SLC14A2: variants seen among roughly 807,000 people sequenced by gnomAD.
SLC14A2 encodes urea transporter 2.
In SLC14A2, 91 loss-of-function variants were observed where a neutral mutation model predicts 104.6. That is an observed-to-expected ratio of 0.87 (90% CI 0.73 to 1.04). The LOEUF (loss-of-function observed/expected upper bound fraction) is 1.04, where lower values mean the gene tolerates loss of function less well. Among genes scored for constraint, SLC14A2 ranks in the 50% least tolerant of loss-of-function variants. The probability of loss-of-function intolerance (pLI) is 0.00; values close to 1 mark genes in which losing one functional copy is unlikely to be tolerated. For synonymous variants in SLC14A2, 476 were observed against 466.4 expected (o/e 1.02, Z -0.27); for missense variants, 1,189 against 1,156.0 (o/e 1.03, Z -0.41).
chr18:45,369,294 T>C (rs922649686), intron 1 of SLC14A2, among the ~76,000 whole-genome samples: 8 of 152,224 alleles, frequency 5.3e-5, no homozygotes, highest in Admixed American at 2.6e-4. Context: ...TATGCACTTC[T>C]CTTTAGGGTT....
intron 10 of SLC14A2, among the ~76,000 whole-genome samples, chr18:45,661,759 T>C (rs115654922): frequency 2.0e-5 from 3 of 152,230 alleles, no homozygotes; most frequent in African/African-American, 7.2e-5. Context: ...AATGGCACTA[T>C]GGGAGAACGC....
chr18:45,515,322 T>A (rs186331997), intron 2 of SLC14A2: 26 of 152,264 alleles, frequency 1.7e-4, no homozygotes, highest in African/African-American at 5.8e-4. Flanking sequence ...TTATAGAGAG[T>A]GTAGACAGTG....
intron 1 of SLC14A2, among the ~76,000 whole-genome samples, chr18:45,407,476 G>T (rs1046264748): frequency 6.6e-6 from 1 of 152,118 alleles, no homozygotes; most frequent in Non-Finnish European, 1.5e-5. Context: ...AGAATGTTTT[G>T]CTTTCTTATC....
intron 1 of SLC14A2, among the ~76,000 whole-genome samples, chr18:45,378,369 A>G (rs903381414): frequency 3.9e-5 from 6 of 152,204 alleles, no homozygotes; most frequent in Admixed American, 3.9e-4. Context: ...AGAATCTATG[A>G]GCTGTTATAG....
At position 45,397,098 on chromosome 18, in the gene SLC14A2, C is replaced by A. The variant is rs181526828; in HGVS notation, c.-124-86135C>A. ...GCATTTAGGTTGATTCTGTGTTTTG[C>A]TATTGTGAATAGTGCAGCAATGAAC... On this transcript the variant is annotated intron_variant, in intron 1 of 20. Coordinates refer to the SLC14A2 transcript ENST00000586448. 2.0e-5 allele frequency among the ~76,000 whole-genome samples: 3 copies of A among 152,236 alleles called. No homozygotes were observed. The East Asian group carries it at 5.8e-4, about 29-fold the overall frequency.
the SLC14A2 span, among the ~76,000 whole-genome samples, chr18:45,177,730 C>A: frequency 6.6e-6 from 1 of 152,146 alleles, no homozygotes; most frequent in Non-Finnish European, 1.5e-5. Context: ...TTTGTGGGTC[C>A]TTCCTGAGAC....
intron 6 of SLC14A2, among the ~76,000 whole-genome samples, chr18:45,639,484 A>G (rs560064800): frequency 6.6e-6 from 1 of 152,230 alleles, no homozygotes; most frequent in African/African-American, 2.4e-5. Flanking sequence ...CAGAAGCCGT[A>G]TGTTCCTCAG....
intron 1 of SLC14A2, among the ~76,000 whole-genome samples, chr18:45,283,207 A>G (rs898161733): frequency 6.6e-6 from 1 of 151,690 alleles, no homozygotes; most frequent in Non-Finnish European, 1.5e-5. Flanking sequence ...AGCAGGGCAC[A>G]TGAGAGAAAT....
At chr18:45,636,400 T>C (rs1024639021) in intron 5 of SLC14A2, among the ~76,000 whole-genome samples, 1 of 152,220 alleles carries the variant, frequency 6.6e-6, no homozygotes, top group African/African-American at 2.4e-5. Flanking sequence ...AAGCTTCATC[T>C]GTCTCCAACA....
intron 1 of SLC14A2, among the ~76,000 whole-genome samples, chr18:45,325,298 C>T (rs377158867): frequency 1.3e-5 from 2 of 152,224 alleles, no homozygotes; most frequent in East Asian, 3.8e-4. Context: ...AGCTTCTGAG[C>T]TGGGGAAAAT....
At chr18:45,193,816 T>G in the SLC14A2 span, among the ~76,000 whole-genome samples, 64 of 152,310 alleles carry the variant, frequency 4.2e-4, no homozygotes, top group Non-Finnish European at 7.8e-4. Flanking sequence ...AATAACATTT[T>G]GAGAATATTG....
chr18:45,236,266 C>T (rs561689628), intron 1 of SLC14A2, among the ~76,000 whole-genome samples: 78 of 26,482 alleles, frequency 2.9e-3, no homozygotes, highest in East Asian at 4.6e-3. Flanking sequence ...TGTATATATA[C>T]ATGTATGTGT....
chr18:45,194,888 C>T, the SLC14A2 span, among the ~76,000 whole-genome samples: 2 of 152,000 alleles, frequency 1.3e-5, no homozygotes, highest in Admixed American at 6.6e-5. Context: ...TCGTGATCTG[C>T]CTGCCTCAGC....
At chr18:45,603,227 C>G (rs1186186292) in intron 2 of SLC14A2, among the ~76,000 whole-genome samples, 1 of 152,092 alleles carries the variant, frequency 6.6e-6, no homozygotes, top group Non-Finnish European at 1.5e-5. Flanking sequence ...AAGTGTACAA[C>G]AGGTGATCCC....
rs201800811 is a variant in SLC14A2 at position 45,682,390 on chromosome 18, C to A, written c.2634C>A (p.Asn878Lys). 9.2e-5 allele frequency: 148 copies of A among 1,614,184 alleles called. No individual in the cohort carries two copies. The African/African-American group carries it at 1.7e-3, about 18-fold the overall frequency. Residue 878 changes from asparagine (N) to lysine (K), a missense_variant, in exon 20 of 20, where the codon AAC (asparagine) becomes AAA (lysine). Physicochemically the swap from Asn to Lys is moderately conservative, Grantham distance 94. Coordinates refer to ENST00000255226, the MANE Select transcript of SLC14A2 (RefSeq NM_007163.4). ...CCTTCCTGCTCCTGACGACCAATAA[C>A]CCCGCCATCTACAAGCTCCCGCTCA... ...ALTFLLLTTN[N>K]PAIYKLPLSK...
chr18:45,653,689 GTCCTGCAGTGAGCC>G (rs966435117), intron 10 of SLC14A2, among the ~76,000 whole-genome samples: 1 of 152,072 alleles, frequency 6.6e-6, no homozygotes, highest in African/African-American at 2.4e-5. Flanking sequence ...CTCTGAGAGG[GTCCTGCAGTGAGCC>G]TCCAGGTCCC....
At chr18:45,599,610 C>A (rs1158853620) in intron 2 of SLC14A2, among the ~76,000 whole-genome samples, 1 of 152,192 alleles carries the variant, frequency 6.6e-6, no homozygotes, top group Non-Finnish European at 1.5e-5. Flanking sequence ...CATGACCCAG[C>A]CACTCTGCAC....
the SLC14A2 span, among the ~76,000 whole-genome samples, chr18:45,182,525 G>GTAAT: frequency 6.6e-6 from 1 of 151,616 alleles, no homozygotes; most frequent in African/African-American, 2.4e-5. Flanking sequence ...AATATAAAAA[G>GTAAT]TAATTAGTAA....
At chr18:45,647,150 C>T (rs1026400685) in intron 10 of SLC14A2, 1 of 152,320 alleles carries the variant, frequency 6.6e-6, no homozygotes, top group Admixed American at 6.5e-5. Context: ...ACAGTCTTGT[C>T]CTGCTGCACT....
Sources: gnomAD v4.1 joint callset for allele counts (sites outside exome capture counted in the v4.1 genomes callset) on GRCh38, gnomAD v4.1.1 for gene constraint, MANE v1.5 for transcripts, NCBI Gene and HGNC (gene_info 2026-07-23, HGNC 2026-07-21) for gene names.